PFDN1: variants seen among roughly 807,000 people sequenced by gnomAD.
The protein encoded by PFDN1 is prefoldin 1.
A neutral mutation model predicts 17.3 loss-of-function variants in PFDN1; 6 were observed. That is an observed-to-expected ratio of 0.35 (90% CI 0.19 to 0.69). The LOEUF is 0.69. Among genes scored for constraint, PFDN1 ranks in the 30% least tolerant of loss-of-function variants. PFDN1 has a pLI of 0.65. For missense variants in PFDN1, 113 were observed against 146.2 expected (o/e 0.77, Z 1.17); for synonymous variants, 58 against 50.1 (o/e 1.16, Z -0.67).
chr5:140,289,144 G>C, intron 2 of PFDN1, among the ~76,000 whole-genome samples: 1 of 151,816 alleles, frequency 6.6e-6, no homozygotes, highest in East Asian at 1.9e-4. Flanking sequence ...TAAATTAGCT[G>C]GGTTTGGTGG....
At chr5:140,295,049 C>T (rs1765633012) in intron 2 of PFDN1, among the ~76,000 whole-genome samples, 1 of 151,764 alleles carries the variant, frequency 6.6e-6, no homozygotes, top group African/African-American at 2.4e-5. Flanking sequence ...CTAATCTACT[C>T]AAGTTCCTCA....
intron 3 of PFDN1, among the ~76,000 whole-genome samples, chr5:140,272,491 C>T (rs1765222018): frequency 6.6e-6 from 1 of 151,440 alleles, no homozygotes; most frequent in Non-Finnish European, 1.5e-5. Context: ...TCCCAAGTAG[C>T]TAGGATTACA....
chr5:140,281,666 C>A (rs1001243491), intron 2 of PFDN1, 133 bp from the exon 3 acceptor site: 5 of 626,908 alleles, frequency 8.0e-6, no homozygotes, highest in African/African-American at 1.9e-5. Context: ...ACGTCAAGCT[C>A]AGGAAACCAC....
intron 2 of PFDN1, among the ~76,000 whole-genome samples, chr5:140,296,233 CTTTT>C (rs997898676): frequency 6.6e-6 from 1 of 152,008 alleles, no homozygotes; most frequent in African/African-American, 2.4e-5. Context: ...TTCTAAAATA[CTTTT>C]TTTTCTAAGA....
At chr5:140,278,971 T>C (rs951760663) in intron 3 of PFDN1, among the ~76,000 whole-genome samples, 7 of 152,064 alleles carry the variant, frequency 4.6e-5, no homozygotes, top group African/African-American at 9.7e-5. Flanking sequence ...GGAGAACATA[T>C]TAAATGCTGA....
chr5:140,300,571 C>G lies in PFDN1; in HGVS notation c.45G>C (p.Glu15Asp). 6.2e-7 allele frequency: 1 copy of G among 1,607,610 alleles called. No homozygotes were observed. The highest frequency in any genetic ancestry group is 1.7e-5 in the Admixed American group (1 of 59,066). The change falls in exon 2 of 4, where the codon GAG (glutamate) becomes GAC (aspartate). Residue 15 changes from glutamate (E) to aspartate (D), a missense_variant. Transcript: ENST00000261813. ...GAGTGTCAATAACTTTGGCTTGAAG[C>G]TCTGTGAAGGCCTAATAAAAACAAG... is the stretch of plus-strand genomic sequence containing the variant. ...VDLELKKAFT[E>D]LQAKVIDTQQ... is the part of the protein sequence containing the mutation.
At position 140,254,854 on chromosome 5, in the gene PFDN1, G is replaced by A. The variant is rs936278157; in HGVS notation, c.286-8797C>T. On this transcript the variant is annotated intron_variant, in intron 3 of 3. Coordinates refer to ENST00000261813, the MANE Select transcript of PFDN1 (RefSeq NM_002622.5). The surrounding 1 kb of genome is among the most constrained non-coding windows in gnomAD (Gnocchi z 4.4). ...CTTCCTACCCAGCTTTGCTTATATA[G>A]TCCATCATTTATATTTATTCTCCTT... Among the ~76,000 whole-genome samples the A allele has an allele frequency of 6.6e-6, 1 of 152,016 alleles. No individual in the cohort carries two copies. Among genetic ancestry groups the A allele is most frequent in the Non-Finnish European group, 1.5e-5 (1 of 68,012 alleles).
At chr5:140,301,493 A>G (rs1284443823) in intron 1 of PFDN1, among the ~76,000 whole-genome samples, 1 of 152,206 alleles carries the variant, frequency 6.6e-6, no homozygotes, top group Non-Finnish European at 1.5e-5. Flanking sequence ...AGGCTACTAC[A>G]TAATTTTTAT....
Position 140,246,193 on chromosome 5 carries a change from A to G in PFDN1, c.286-136T>C. On this transcript the variant is annotated intron_variant, in intron 3 of 3. Coordinates refer to ENST00000261813, the MANE Select transcript of PFDN1 (RefSeq NM_002622.5). ...CAGGAGTATACTGCAAGCCAGGTAC[A>G]CACACCTGCCCACAGTGCTCCCCTC... 4.5e-6 allele frequency: 3 copies of G among 661,490 alleles called. 1 individual carries two copies. The South Asian group carries it at 5.0e-5, about 11-fold the overall frequency. The allele number at this position is 661,490 out of a possible 1,614,324, so 41.0% of individuals were successfully genotyped here.
intron 3 of PFDN1, among the ~76,000 whole-genome samples, chr5:140,277,795 GAA>G (rs1436707917): frequency 6.6e-6 from 1 of 151,804 alleles, no homozygotes; most frequent in Non-Finnish European, 1.5e-5. Flanking sequence ...TACAAAGCAT[GAA>G]AGACATAGAC....
chr5:140,285,323 G>A (rs1199493561), intron 2 of PFDN1, among the ~76,000 whole-genome samples: 6 of 150,820 alleles, frequency 4.0e-5, no homozygotes, highest in Non-Finnish European at 8.9e-5. Context: ...ACTCCAGCCT[G>A]GGCAACAGAG....
At chr5:140,280,682 T>C (rs1053576130) in intron 3 of PFDN1, among the ~76,000 whole-genome samples, 1 of 152,150 alleles carries the variant, frequency 6.6e-6, no homozygotes, top group African/African-American at 2.4e-5. Flanking sequence ...AGAAATTAGA[T>C]GAAATGACCT....
chr5:140,246,472 T>TG (rs1764831459), intron 3 of PFDN1, among the ~76,000 whole-genome samples: 1 of 152,244 alleles, frequency 6.6e-6, no homozygotes, highest in African/African-American at 2.4e-5. Flanking sequence ...CTGTAGCCAC[T>TG]GCAGCTATAA....
chr5:140,258,019 C>T (rs1274801443), intron 3 of PFDN1, among the ~76,000 whole-genome samples: 1 of 152,038 alleles, frequency 6.6e-6, no homozygotes, highest in South Asian at 2.1e-4. Context: ...GTTGGGAGAA[C>T]TGAATGTCAA....
At position 140,281,438 on chromosome 5, in the gene PFDN1, TA is replaced by T; in HGVS notation, c.285+10del. 1.5e-6 allele frequency: 2 copies of T among 1,301,998 alleles called. No homozygotes were observed. Among genetic ancestry groups the T allele is most frequent in the Non-Finnish European group, 1.1e-6 (1 of 897,982 alleles). The allele number at this position is 1,301,998 out of a possible 1,614,324, so 80.7% of individuals were successfully genotyped here. On this transcript the variant is annotated intron_variant, in intron 3 of 3. Transcript: ENST00000261813. ...CCCAAAAGTTAACTCCTATTGCCAA[TA>T]AAAACTTACTTCTAGTTCTTTAATT...
At chr5:140,269,908 G>A (rs955705544) in intron 3 of PFDN1, among the ~76,000 whole-genome samples, 1 of 152,198 alleles carries the variant, frequency 6.6e-6, no homozygotes, top group Non-Finnish European at 1.5e-5. Flanking sequence ...GGAATTTAGG[G>A]TAATGAACGC....
chr5:140,246,978 T>C (rs1402234753), intron 3 of PFDN1, among the ~76,000 whole-genome samples: 1 of 152,128 alleles, frequency 6.6e-6, no homozygotes, highest in Non-Finnish European at 1.5e-5. Flanking sequence ...GAACCAGTAA[T>C]ACAGTCACCA....
intron 3 of PFDN1, among the ~76,000 whole-genome samples, chr5:140,255,068 C>A (rs1291502616): frequency 1.3e-5 from 2 of 152,186 alleles, no homozygotes; most frequent in African/African-American, 4.8e-5. Flanking sequence ...CCCAAATGGG[C>A]ACTATGGAAA....
intron 2 of PFDN1, among the ~76,000 whole-genome samples, chr5:140,282,242 A>C (rs1025153034): frequency 6.6e-6 from 1 of 151,378 alleles, no homozygotes; most frequent in African/African-American, 2.4e-5. Context: ...AAGTAGATTC[A>C]TATGTAAAAG....
Sources: allele counts gnomAD v4.1 joint callset (sites outside exome capture counted in the v4.1 genomes callset), GRCh38; gene constraint gnomAD v4.1.1; non-coding constraint Gnocchi (gnomAD v3.1); transcripts MANE v1.5; gene names NCBI Gene and HGNC (gene_info 2026-07-23, HGNC 2026-07-21).